ARPP21: variants seen among roughly 807,000 people sequenced by gnomAD.
ARPP21 encodes the protein cAMP regulated phosphoprotein 21.
In ARPP21, 69 loss-of-function variants were observed where a neutral mutation model predicts 113.2. The ratio of observed to expected loss-of-function variants is 0.61; its 90% confidence interval spans 0.50 to 0.74. ARPP21 has a LOEUF of 0.74. Ranked by LOEUF, ARPP21 falls within the 30% of genes least tolerant of loss-of-function variation. The pLI, the probability that ARPP21 is intolerant of heterozygous loss-of-function variation, is 0.00. For synonymous variants in ARPP21, 368 were observed against 375.5 expected (o/e 0.98, Z 0.23); for missense variants, 1,070 against 1,037.4 (o/e 1.03, Z -0.43).
chr3:35,706,570 G>C (rs1435842674), intron 9 of ARPP21, among the ~76,000 whole-genome samples: 1 of 152,194 alleles, frequency 6.6e-6, no homozygotes, highest in Non-Finnish European at 1.5e-5. Context: ...TATTCTGCCA[G>C]TTCCAGACAT....
intron 9 of ARPP21, among the ~76,000 whole-genome samples, chr3:35,704,211 T>G (rs1456648393): frequency 2.6e-5 from 4 of 151,868 alleles, no homozygotes; most frequent in African/African-American, 9.7e-5. Context: ...GTGTTTGAAA[T>G]GCAGTTATTA....
At chr3:35,747,947 A>AAAAGAAAG (rs71082212) in intron 19 of ARPP21, among the ~76,000 whole-genome samples, 26 of 142,834 alleles carry the variant, frequency 1.8e-4, no homozygotes, top group African/African-American at 4.0e-4. Flanking sequence ...GAAAGAAAGA[A>AAAAGAAAG]AAAGAAAGAA....
intron 1 of ARPP21, among the ~76,000 whole-genome samples, chr3:35,677,998 G>A (rs548244889): frequency 1.3e-5 from 2 of 151,850 alleles, no homozygotes; most frequent in African/African-American, 2.4e-5. Context: ...TATGATTCAG[G>A]CATGCAAGAA....
chr3:35,666,471 C>A (rs1302719769), intron 1 of ARPP21, among the ~76,000 whole-genome samples: 1 of 152,050 alleles, frequency 6.6e-6, no homozygotes, highest in East Asian at 1.9e-4. Context: ...ATTTAAATGT[C>A]TATTTAATTA....
intron 9 of ARPP21, among the ~76,000 whole-genome samples, chr3:35,702,999 A>C (rs1005042106): frequency 6.6e-6 from 1 of 151,750 alleles, no homozygotes; most frequent in Non-Finnish European, 1.5e-5. Flanking sequence ...GTGCATAGAA[A>C]CTTTTAATTT....
At chr3:35,748,418 GAA>G (rs1369155011) in intron 19 of ARPP21, among the ~76,000 whole-genome samples, 1 of 136,118 alleles carries the variant, frequency 7.3e-6, no homozygotes, top group South Asian at 2.4e-4. Context: ...GAGAGAGAAA[GAA>G]AAGAGAAAGA....
chr3:35,730,683 G>T (rs1043076531), intron 15 of ARPP21, among the ~76,000 whole-genome samples: 1 of 152,128 alleles, frequency 6.6e-6, no homozygotes, highest in Admixed American at 6.5e-5. Context: ...TGCAAAACTG[G>T]ATAAGTATCT....
At chr3:35,668,011 G>GAAGAAGAAGAAGAAGAAGAAGAAGAAA (rs2075243731) in intron 1 of ARPP21, among the ~76,000 whole-genome samples, 20 of 150,092 alleles carry the variant, frequency 1.3e-4, no homozygotes, top group African/African-American at 4.7e-4. Flanking sequence ...AGAAGAAGAA[G>GAAGAAGAAGAAGAAGAAGAAGAAGAAA]AAGAAGAAGA....
intron 19 of ARPP21, among the ~76,000 whole-genome samples, chr3:35,766,633 G>C (rs1244798067): frequency 1.3e-5 from 2 of 152,104 alleles, no homozygotes; most frequent in African/African-American, 4.8e-5. Context: ...CAGAGGCAAA[G>C]CTAATATACT....
chr3:35,714,110 A>T (rs143410250), intron 11 of ARPP21, among the ~76,000 whole-genome samples: 4 of 152,326 alleles, frequency 2.6e-5, no homozygotes, highest in African/African-American at 4.8e-5. Context: ...CAAGTTTTTT[A>T]AAAAAGCTAT....
At chr3:35,782,947 T>C (rs1490862848) in intron 19 of ARPP21, among the ~76,000 whole-genome samples, 1 of 152,078 alleles carries the variant, frequency 6.6e-6, no homozygotes, top group African/African-American at 2.4e-5. Context: ...TAGCCTTGCT[T>C]TTATTGAGGT....
At chr3:35,787,807 A>C (rs150821104) in intron 19 of ARPP21, among the ~76,000 whole-genome samples, 13 of 152,320 alleles carry the variant, frequency 8.5e-5, no homozygotes, top group Non-Finnish European at 1.6e-4. Flanking sequence ...TGAGAACTAG[A>C]AGAATGTATA....
chr3:35,711,832 G>C (rs1037112651), intron 11 of ARPP21, among the ~76,000 whole-genome samples: 13 of 152,204 alleles, frequency 8.5e-5, no homozygotes, highest in African/African-American at 3.1e-4. Context: ...CCTGAAGAAA[G>C]TGATTTAAGG....
intron 13 of ARPP21, 143 bp from the exon 14 acceptor site, chr3:35,721,462 G>A (rs1395968015): frequency 3.3e-6 from 2 of 612,498 alleles, no homozygotes; most frequent in African/African-American, 3.7e-5. Flanking sequence ...GTAACACTGG[G>A]AGGCAACTGG....
intron 19 of ARPP21, among the ~76,000 whole-genome samples, chr3:35,748,949 A>C (rs1559842604): frequency 6.6e-6 from 1 of 152,326 alleles, no homozygotes; most frequent in African/African-American, 2.4e-5. Flanking sequence ...CTGGGTCTCA[A>C]GGTTAACTGT....
intron 14 of ARPP21, 55 bp downstream of exon 14, chr3:35,721,889 G>A (rs2093108052): frequency 8.6e-7 from 1 of 1,160,868 alleles, no homozygotes; most frequent in East Asian, 2.6e-5. Context: ...TTCTACCCAA[G>A]CCATATGGTC....
At chr3:35,748,369 A>T (rs1399036422) in intron 19 of ARPP21, among the ~76,000 whole-genome samples, 1 of 150,994 alleles carries the variant, frequency 6.6e-6, no homozygotes, top group Non-Finnish European at 1.5e-5. Context: ...AGAGAAAGAA[A>T]AGGAAAGAAA....
chr3:35,746,153 T>A (rs1363951476), intron 19 of ARPP21, among the ~76,000 whole-genome samples: 1 of 152,206 alleles, frequency 6.6e-6, no homozygotes, highest in Non-Finnish European at 1.5e-5. Flanking sequence ...ACCACCACAC[T>A]GGATACCTGG....
chr3:35,640,723 T>C (rs1697763976), intron 1 of ARPP21, among the ~76,000 whole-genome samples: 1 of 152,200 alleles, frequency 6.6e-6, no homozygotes. Context: ...AGAGACCTAT[T>C]GAAGAGGTAG....
Sources: allele counts gnomAD v4.1 joint callset (sites outside exome capture counted in the v4.1 genomes callset), GRCh38; gene constraint gnomAD v4.1.1; transcripts MANE v1.5; gene names NCBI Gene and HGNC (gene_info 2026-07-23, HGNC 2026-07-21).